PLXNA2: variants seen among roughly 807,000 people sequenced by gnomAD.
The protein encoded by PLXNA2 is plexin-A2.
PLXNA2 carries 91 observed loss-of-function variants against 193.5 expected under a neutral mutation model. The observed-to-expected ratio is 0.47, with a 90% confidence interval of 0.40 to 0.56. The LOEUF (loss-of-function observed/expected upper bound fraction) is 0.56. PLXNA2 is among the 20% of genes least tolerant of loss of function. PLXNA2 has a pLI of 0.00. For synonymous variants in PLXNA2, 997 were observed against 1,027.3 expected (o/e 0.97, Z 0.56); for missense variants, 1,995 against 2,503.2 (o/e 0.80, Z 4.33).
chr1:208,153,933 A>T (rs1255569868), intron 3 of PLXNA2, among the ~76,000 whole-genome samples: 1 of 145,664 alleles, frequency 6.9e-6, no homozygotes, highest in East Asian at 2.2e-4. Context: ...CCCTCCCAGG[A>T]GAGGGGCTTT....
At chr1:208,232,806 T>C (rs1011739198) in intron 1 of PLXNA2, among the ~76,000 whole-genome samples, 2 of 152,182 alleles carry the variant, frequency 1.3e-5, no homozygotes, top group East Asian at 3.8e-4. Context: ...GAGACTGCCA[T>C]GGGCCTGAAG....
chr1:208,182,970 A>G (rs1287237867), intron 3 of PLXNA2, among the ~76,000 whole-genome samples: 1 of 152,192 alleles, frequency 6.6e-6, no homozygotes, highest in East Asian at 1.9e-4. Flanking sequence ...CCTCCTAGTC[A>G]AGAAAGAAAG....
At chr1:208,126,956 T>C (rs12408259) in intron 4 of PLXNA2, among the ~76,000 whole-genome samples, 1,910 of 152,258 alleles carry the variant, frequency 0.013, 62 homozygotes, top group East Asian at 0.09. Context: ...TTATAAAACT[T>C]ACCTAATGAA....
intron 1 of PLXNA2, among the ~76,000 whole-genome samples, chr1:208,219,820 A>T (rs1412924639): frequency 1.3e-5 from 2 of 152,040 alleles, no homozygotes; most frequent in East Asian, 3.9e-4. Context: ...CCGGCATGAG[A>T]CTCAGGCTGA....
intron 1 of PLXNA2, among the ~76,000 whole-genome samples, chr1:208,221,270 A>G (rs1177347964): frequency 6.6e-6 from 1 of 151,688 alleles, no homozygotes; most frequent in Non-Finnish European, 1.5e-5. Flanking sequence ...ATAAAATGCT[A>G]CCTCGAAGCT....
intron 3 of PLXNA2, among the ~76,000 whole-genome samples, chr1:208,168,724 GTTTTTTTTT>G (rs10668701): frequency 1.4e-5 from 1 of 73,196 alleles, no homozygotes; most frequent in South Asian, 5.2e-4. Flanking sequence ...AGTATGCGGG[GTTTTTTTTT>G]TTTTTTTTTT....
intron 12 of PLXNA2, among the ~76,000 whole-genome samples, chr1:208,077,912 C>T (rs914165154): frequency 3.9e-5 from 6 of 152,288 alleles, no homozygotes; most frequent in Non-Finnish European, 7.4e-5. Flanking sequence ...AGCTCTCCCA[C>T]CGACAGCCCT....
chr1:208,094,431 C>A lies in PLXNA2; in HGVS notation c.1983-1531G>T, dbSNP rs929088043. ...AATGGAATCTTTGCTGTCAAGGAGA[C>A]CTGCTTTTTTTTTTTCTGTTAAAAC... On this transcript the variant is annotated intron_variant, in intron 8 of 31. Transcript: ENST00000367033. Among the ~76,000 whole-genome samples the A allele has an allele frequency of 3.3e-5, 5 of 152,150 alleles. No individual in the cohort carries two copies. The South Asian group carries it at 1.0e-3, about 32-fold the overall frequency.
rs1009801733 is a variant in PLXNA2 at position 208,231,542 on chromosome 1, T to G, written c.-81+12101A>C. Among the ~76,000 whole-genome samples, 5 of 152,340 alleles carry G rather than the reference T, an allele frequency of 3.3e-5. No homozygotes were observed. The South Asian group carries it at 1.0e-3, about 32-fold the overall frequency. On this transcript the variant is annotated intron_variant, in intron 1 of 31. Coordinates refer to ENST00000367033, the MANE Select transcript of PLXNA2 (RefSeq NM_025179.4). ...CACGTCTGTCTGCTCTCCTCCCAGA[T>G]GCATTCCATGCCCTTCGGAAAAACC...
At chr1:208,209,851 A>T in intron 3 of PLXNA2, 2 of 216,656 alleles carry the variant, frequency 9.2e-6, no homozygotes, top group Non-Finnish European at 1.8e-5. Flanking sequence ...ATCTGCTTCA[A>T]CCAACTTCTC....
At chr1:208,027,412 T>C in intron 31 of PLXNA2, 74 bp from the exon 32 acceptor site, 2 of 1,194,398 alleles carry the variant, frequency 1.7e-6, no homozygotes, top group Non-Finnish European at 2.5e-6. Context: ...AGTCGTTCCC[T>C]CTTTGCCCTC....
intron 3 of PLXNA2, among the ~76,000 whole-genome samples, chr1:208,149,585 TTGTG>T (rs550329642): frequency 2.0e-5 from 3 of 150,752 alleles, no homozygotes; most frequent in Admixed American, 6.6e-5. Flanking sequence ...TGTGTGTATA[TTGTG>T]TGTGTGTGTG....
At chr1:208,225,554 C>T (rs1671482736) in intron 1 of PLXNA2, among the ~76,000 whole-genome samples, 1 of 152,180 alleles carries the variant, frequency 6.6e-6, no homozygotes, top group Admixed American at 6.5e-5. Flanking sequence ...CTCAAGTGAT[C>T]CTCTAGCCTC....
At chr1:208,177,531 GATT>G (rs1194774829) in intron 3 of PLXNA2, among the ~76,000 whole-genome samples, 1 of 152,340 alleles carries the variant, frequency 6.6e-6, no homozygotes, top group South Asian at 2.1e-4. Context: ...TTACTATAAT[GATT>G]ATTATCTTTT....
intron 4 of PLXNA2, among the ~76,000 whole-genome samples, chr1:208,127,924 G>A (rs1452091227): frequency 2.6e-5 from 4 of 152,162 alleles, no homozygotes; most frequent in Non-Finnish European, 4.4e-5. Flanking sequence ...GTGCCCACAG[G>A]TTTTTAGGAA....
Position 208,243,981 on chromosome 1 carries a change from A to C in PLXNA2, c.-419T>G, listed in dbSNP as rs1451655176. On this transcript the variant is annotated 5_prime_UTR_variant, in exon 1 of 32. Transcript: ENST00000367033. Reference sequence around the variant, plus strand: ...CCGGCGGTGTCTCTCCTGAGGAAGAAGCAGAGCCCCGGCTGTCTTCAGATT... The same window carrying C: ...CCGGCGGTGTCTCTCCTGAGGAAGACGCAGAGCCCCGGCTGTCTTCAGATT... The C allele has an allele frequency of 6.6e-6, 1 of 152,232 alleles. No individual in the cohort carries two copies. Among genetic ancestry groups the C allele is most frequent in the East Asian group, 1.9e-4 (1 of 5,158 alleles). 9.4% of individuals were successfully genotyped at this position (152,232 alleles called of 1,614,324 possible).
At chr1:208,211,308 C>T (rs1191086474) in intron 2 of PLXNA2, among the ~76,000 whole-genome samples, 2 of 152,016 alleles carry the variant, frequency 1.3e-5, no homozygotes, top group Non-Finnish European at 2.9e-5. Context: ...TTCATATTTC[C>T]AGCCTTTAAG....
intron 2 of PLXNA2, among the ~76,000 whole-genome samples, chr1:208,211,723 A>G (rs528028526): frequency 1.7e-3 from 264 of 152,158 alleles, no homozygotes; most frequent in African/African-American, 6.2e-3. Context: ...TGCTGGAAAG[A>G]AAGTAGGAAG....
chr1:208,026,652 CT>C lies in PLXNA2; in HGVS notation c.*590del, dbSNP rs34577290. ...TCATCATTCTTCTTCTCCTCTTTCT[CT>C]TTTTTTTTTTTTTTTTAATTTCAAG... is the stretch of plus-strand genomic sequence containing the variant. On this transcript the variant is annotated 3_prime_UTR_variant, in exon 32 of 32. Transcript: ENST00000367033. 1.2e-3 allele frequency: 164 copies of C among 140,794 alleles called. 1 individual carries two copies. Among genetic ancestry groups the C allele is most frequent in the African/African-American group, 2.8e-3 (107 of 37,742 alleles). 8.7% of individuals were successfully genotyped at this position (140,794 alleles called of 1,614,324 possible). A position where few individuals can be genotyped will look rare whatever the true frequency, so the allele number is the denominator to read the frequency against.
Sources: allele counts gnomAD v4.1 joint callset (sites outside exome capture counted in the v4.1 genomes callset), GRCh38; gene constraint gnomAD v4.1.1; transcripts MANE v1.5; gene names NCBI Gene and HGNC (gene_info 2026-07-23, HGNC 2026-07-21).